The following NEK9 variants were observed in gnomAD, a reference collection of about 807,000 sequenced individuals.
NEK9 encodes serine/threonine-protein kinase Nek9.
A neutral mutation model predicts 123.4 loss-of-function variants in NEK9; 75 were observed. The observed-to-expected ratio is 0.61, with a 90% CI of 0.50 to 0.74. NEK9 has a LOEUF of 0.74. Among genes scored for constraint, NEK9 ranks in the 30% least tolerant of loss-of-function variants. NEK9 has a pLI of 0.00. For missense variants in NEK9, 952 were observed against 1,214.4 expected (o/e 0.78, Z 3.21); for synonymous variants, 438 against 458.7 (o/e 0.95, Z 0.58).
intron 3 of NEK9, 177 bp from the exon 4 acceptor site, chr14:75,120,757 A>G: frequency 1.7e-6 from 1 of 591,354 alleles, no homozygotes; most frequent in Non-Finnish European, 3.0e-6. Flanking sequence ...GTAAAAAACC[A>G]CAAAAAACAG....
At chr14:75,099,782 CAAAAA>C (rs11446568) in intron 16 of NEK9, among the ~76,000 whole-genome samples, 1 of 118,500 alleles carries the variant, frequency 8.4e-6, no homozygotes, top group Non-Finnish European at 1.7e-5. Context: ...GATTGTGTCT[CAAAAA>C]AAAAAAAAAA....
chr14:75,126,749 A>G lies in NEK9; in HGVS notation c.173T>C (p.Leu58Pro). The G allele has an allele frequency of 6.7e-7, 1 of 1,503,402 alleles. No individual in the cohort carries two copies. Among genetic ancestry groups the G allele is most frequent in the Non-Finnish European group, 8.9e-7 (1 of 1,127,164 alleles). 93.1% of individuals were successfully genotyped at this position (1,503,402 alleles called of 1,614,324 possible). A position where few individuals can be genotyped will look rare whatever the true frequency, so the allele number is the denominator to read the frequency against. The change falls in exon 1 of 22, where the codon CTG becomes CCG. Residue 58 changes from leucine (L) to proline (P), a missense_variant. Around this residue, in one of 4 missense-constraint regions of NEK9, gnomAD observed 120 missense variants for 97.6 expected, o/e 1.23. Coordinates refer to ENST00000238616, the MANE Select transcript of NEK9 (RefSeq NM_033116.6). ...GGCTTCCCCGAAGGCGCCGCGGCCC[A>G]GGACGCGGATGGGGATGTAGTGCAG... Reference protein sequence around the residue: ...EELHYIPIRVLGRGAFGEATL... With the variant: ...EELHYIPIRVPGRGAFGEATL...
rs1223164064 is a variant in NEK9 at position 75,080,944 on chromosome 14, AT to A, written c.*3619del. On this transcript the variant is annotated 3_prime_UTR_variant, in exon 22 of 22. Transcript: ENST00000238616. The stretch of plus-strand genomic sequence containing the variant: ...ACCGCGCCTGTCCTGCCAAGACAGT[AT>A]TTTTTTTTTTATTTTTGAGATGGAG... The A allele has an allele frequency of 7.5e-4, 91 of 120,608 alleles. No homozygotes were observed. The highest frequency in any genetic ancestry group is 1.3e-3 in the South Asian group (5 of 3,836). The allele number at this position is 120,608 out of a possible 1,614,324, so 7.5% of individuals were successfully genotyped here.
intron 6 of NEK9, 149 bp from the exon 7 acceptor site, chr14:75,114,462 A>C (rs1187419096): frequency 1.6e-6 from 1 of 638,874 alleles, no homozygotes; most frequent in Non-Finnish European, 2.8e-6. Flanking sequence ...TGCATCAAAA[A>C]AAAATGGTTA....
intron 11 of NEK9, among the ~76,000 whole-genome samples, chr14:75,107,069 T>C (rs1286393972): frequency 1.3e-5 from 2 of 152,098 alleles, no homozygotes; most frequent in Non-Finnish European, 2.9e-5. Context: ...ATTCATAGCC[T>C]GATGAGGTGG....
chr14:75,120,474 G>C (rs779717188), intron 4 of NEK9, 36 bp downstream of exon 4: 5 of 1,474,350 alleles, frequency 3.4e-6, no homozygotes, highest in South Asian at 1.2e-5. Flanking sequence ...TGAATTGGTA[G>C]GGAAGAATCC....
Position 75,114,282 on chromosome 14 carries a change from T to C in NEK9, c.794A>G (p.Gln265Arg). The change falls in exon 7 of 22, where the codon CAA becomes CGA. Residue 265 changes from glutamine to arginine, a missense_variant. Physicochemically the swap from Gln to Arg is conservative, Grantham distance 43 (BLOSUM62 1). Coordinates refer to ENST00000238616, the MANE Select transcript of NEK9 (RefSeq NM_033116.6). ...GTCAACTTCCATGGCCCGAATTCCTTGCACGATCTTCACACACAGGTTAAG... is the reference window on the plus strand; with the variant it reads ...GTCAACTTCCATGGCCCGAATTCCTCGCACGATCTTCACACACAGGTTAAG... The part of the protein sequence containing the change: ...NPLNLCVKIV[Q>R]GIRAMEVDSS... The C allele has an allele frequency of 6.2e-7, 1 of 1,614,104 alleles. No homozygotes were observed. Among genetic ancestry groups the C allele is most frequent in the Non-Finnish European group, 8.5e-7 (1 of 1,179,984 alleles).
At position 75,087,220 on chromosome 14, in the gene NEK9, A is replaced by G. The variant is rs749642426; in HGVS notation, c.2615T>C (p.Leu872Pro). 11 of 1,609,088 alleles carry G rather than the reference A, an allele frequency of 6.8e-6. No homozygotes were observed. In the South Asian group the frequency reaches 9.9e-5, roughly 14 times the overall value. ...KPQVEASSPR[L>P]NPAVTCAGKG... is the part of the protein sequence containing the mutation. ...CCCAGCACAGGTTACTGCAGGATTCAGCCGAGGTGACTAGAGAGACAAGAA... is the reference window on the plus strand; with the variant it reads ...CCCAGCACAGGTTACTGCAGGATTCGGCCGAGGTGACTAGAGAGACAAGAA... Residue 872 changes from leucine (L) to proline (P), a missense_variant, in exon 21 of 22, where the codon CTG becomes CCG. Leu to Pro is a moderately conservative substitution (Grantham distance 98). This residue lies in a region of NEK9 where 698 missense variants were observed against 875.6 expected (regional missense o/e 0.80). Transcript: ENST00000238616.
rs1894559665 is a variant in NEK9, at chr14:75,101,034, T to A, written c.1960A>T (p.Arg654Trp). The stretch of plus-strand genomic sequence containing the variant: ...GTAAACTCATCACCGCAGGAGACCC[T>A]GATCACTTGCTTCCCACCAAGGGGT... ...GGPLGGKQVI[R>W]VSCGDEFTIA... The change falls in exon 16 of 22, where the codon AGG (arginine) becomes TGG (tryptophan). Residue 654 changes from arginine to tryptophan, a missense_variant. Transcript: ENST00000238616. 3 of 1,614,240 alleles carry A rather than the reference T, an allele frequency of 1.9e-6. No individual in the cohort carries two copies. The highest frequency in any genetic ancestry group is 2.5e-6 in the Non-Finnish European group (3 of 1,180,032).
At chr14:75,092,062 C>T (rs1413549045) in intron 18 of NEK9, among the ~76,000 whole-genome samples, 1 of 152,080 alleles carries the variant, frequency 6.6e-6, no homozygotes, top group Non-Finnish European at 1.5e-5. Flanking sequence ...TCACTGCAAC[C>T]TCTGCCTCCC....
In NEK9 at chr14:75,080,307, T is replaced by G. The variant is rs1363471918; in HGVS notation, c.*4257A>C. On this transcript the variant is annotated 3_prime_UTR_variant, in exon 22 of 22. Coordinates refer to ENST00000238616, the MANE Select transcript of NEK9 (RefSeq NM_033116.6). ...ATCGCGCCACTGCACTCCAGCCTGG[T>G]GACCTAGTAAGAATCCATCTCAAAA... 5 of 148,580 alleles carry G rather than the reference T, an allele frequency of 3.4e-5. 1 individual carries two copies. Among genetic ancestry groups the G allele is most frequent in the Middle Eastern group, 6.5e-3 (2 of 308 alleles). The allele number at this position is 148,580 out of a possible 1,614,324, so 9.2% of individuals were successfully genotyped here.
chr14:75,126,988 G>C lies in NEK9; in HGVS notation c.-67C>G. On this transcript the variant is annotated 5_prime_UTR_variant, in exon 1 of 22. Coordinates refer to ENST00000238616, the MANE Select transcript of NEK9 (RefSeq NM_033116.6). ...GGAGGCCCTGGCCGCGCTGCGTCCC[G>C]CTCGCTTCAGATGCCGGCCCGCGGA... The C allele has an allele frequency of 7.7e-7, 1 of 1,305,516 alleles. No homozygotes were observed. The highest frequency in any genetic ancestry group is 1.6e-5 in the South Asian group (1 of 60,890). 80.9% of individuals were successfully genotyped at this position (1,305,516 alleles called of 1,614,324 possible). A position where few individuals can be genotyped will look rare whatever the true frequency, so the allele number is the denominator to read the frequency against.
At chr14:75,104,702 C>T (rs1336039302) in intron 13 of NEK9, among the ~76,000 whole-genome samples, 4 of 151,940 alleles carry the variant, frequency 2.6e-5, no homozygotes, top group Admixed American at 6.6e-5. Context: ...AGGCTGGTCT[C>T]GAACTCCTGA....
At chr14:75,116,103 T>C (rs896646685) in intron 6 of NEK9, among the ~76,000 whole-genome samples, 1 of 152,178 alleles carries the variant, frequency 6.6e-6, no homozygotes, top group Non-Finnish European at 1.5e-5. Flanking sequence ...ACTGGTGCTA[T>C]GTCAGAAGTG....
chr14:75,091,070 T>C (rs1298150056), intron 19 of NEK9, among the ~76,000 whole-genome samples, 200 bp downstream of exon 19: 1 of 152,204 alleles, frequency 6.6e-6, no homozygotes, highest in Non-Finnish European at 1.5e-5. Flanking sequence ...AACAAGGGTA[T>C]GAGAACATTT....
At chr14:75,103,540 T>C (rs1460091246) in intron 14 of NEK9, among the ~76,000 whole-genome samples, 1 of 152,202 alleles carries the variant, frequency 6.6e-6, no homozygotes, top group Admixed American at 6.5e-5. Context: ...CAGATCAAGA[T>C]ATAGACCATT....
Position 75,083,318 on chromosome 14 carries a change from T to G in NEK9, c.*1246A>C, listed in dbSNP as rs1479362906. The G allele has an allele frequency of 5.2e-6, 2 of 383,452 alleles. No homozygotes were observed. The highest frequency in any genetic ancestry group is 9.2e-6 in the Non-Finnish European group (2 of 217,028). 23.8% of individuals were successfully genotyped at this position (383,452 alleles called of 1,614,324 possible). On this transcript the variant is annotated 3_prime_UTR_variant, in exon 22 of 22. Transcript: ENST00000238616. ...TGCCTAGAACTTTCTATATGAAGTTTTGTTCTTCTATGACACTATTTCTCT... is the reference window on the plus strand; with the variant it reads ...TGCCTAGAACTTTCTATATGAAGTTGTGTTCTTCTATGACACTATTTCTCT...
In NEK9 at chr14:75,084,663, A is replaced by T. The variant is rs1272991113; in HGVS notation, c.2841T>A (p.Thr947=). The part of the protein sequence containing the change: ...GQQVGMHSKG[T]QTAKEEMEMD... ...TTTCCATCTCTTCCTTTGCTGTCTG[A>T]GTTCCTTTGGAATGCATCCCCACCT... Residue 947 remains threonine, a synonymous_variant, in exon 22 of 22, where the codon ACT becomes ACA. Coordinates refer to ENST00000238616, the MANE Select transcript of NEK9 (RefSeq NM_033116.6). 6.2e-7 allele frequency: 1 copy of T among 1,614,088 alleles called. No homozygotes were observed. Among genetic ancestry groups the T allele is most frequent in the Non-Finnish European group, 8.5e-7 (1 of 1,179,980 alleles).
At chr14:75,108,508 CGTGTGCGTGTGTGTGTGTGTGT>C (rs1894853688) in intron 10 of NEK9, among the ~76,000 whole-genome samples, 1 of 82,304 alleles carries the variant, frequency 1.2e-5, no homozygotes, top group Non-Finnish European at 2.4e-5. Flanking sequence ...TATGTGTGTG[CGTGTGCGTGTGTGTGTGTGTGT>C]GTGTGTGTGT....
Sources: allele counts gnomAD v4.1 joint callset (sites outside exome capture counted in the v4.1 genomes callset), GRCh38; gene constraint gnomAD v4.1.1; regional missense constraint gnomAD v4.1.1; transcripts MANE v1.5; gene names NCBI Gene and HGNC (gene_info 2026-07-23, HGNC 2026-07-21).